Variants in FHOD3 observed in about 807,000 individuals in gnomAD.
The protein encoded by FHOD3 is FH1/FH2 domain-containing protein 3.
A neutral mutation model predicts 173.0 loss-of-function variants in FHOD3; 90 were observed. The observed-to-expected ratio is 0.52, with a 90% CI of 0.44 to 0.62. FHOD3 has a LOEUF of 0.62. Among genes scored for constraint, FHOD3 ranks in the 20% least tolerant of loss-of-function variants. The pLI is 0.00. For missense variants in FHOD3, 1,945 were observed against 2,034.7 expected (o/e 0.96, Z 0.85); for synonymous variants, 828 against 823.0 (o/e 1.01, Z -0.10).
chr18:36,502,641 A>G (rs1252323994), intron 4 of FHOD3, among the ~76,000 whole-genome samples: 1 of 151,994 alleles, frequency 6.6e-6, no homozygotes, highest in Non-Finnish European at 1.5e-5. Context: ...CATCCAGTCT[A>G]CCATTGATGG....
chr18:36,578,045 G>A (rs537833598), intron 6 of FHOD3, among the ~76,000 whole-genome samples: 17 of 152,336 alleles, frequency 1.1e-4, no homozygotes, highest in African/African-American at 4.1e-4. Flanking sequence ...GTCAGATGGA[G>A]TGGGGGATCT....
intron 3 of FHOD3, among the ~76,000 whole-genome samples, chr18:36,388,990 G>C (rs185805025): frequency 5.3e-5 from 8 of 152,004 alleles, no homozygotes; most frequent in Admixed American, 1.3e-4. Context: ...GGATGGGGGG[G>C]CCCTGATAGG....
chr18:36,770,837 T>G (rs1389344033), intron 28 of FHOD3, among the ~76,000 whole-genome samples: 1 of 152,118 alleles, frequency 6.6e-6, no homozygotes, highest in Non-Finnish European at 1.5e-5. Flanking sequence ...GGCCTTGAGG[T>G]GTGGGTCCCT....
At chr18:36,769,191 G>A (rs2150368891) in intron 27 of FHOD3, 74 bp from the exon 28 acceptor site, 2 of 1,528,950 alleles carry the variant, frequency 1.3e-6, no homozygotes, top group East Asian at 2.3e-5. Flanking sequence ...CAACTGCTTG[G>A]AGGAATACTG....
intron 1 of FHOD3, among the ~76,000 whole-genome samples, chr18:36,349,199 C>G (rs1274576580): frequency 1.3e-5 from 2 of 152,132 alleles, no homozygotes; most frequent in African/African-American, 4.8e-5. Context: ...GCAGCCAGGC[C>G]CGAGTCTTTC....
intron 28 of FHOD3, among the ~76,000 whole-genome samples, chr18:36,777,198 CTTTTTTTTT>C (rs11294880): frequency 2.8e-5 from 3 of 108,836 alleles, no homozygotes; most frequent in South Asian, 2.9e-4. Context: ...TCTTCTTTTT[CTTTTTTTTT>C]TTTTTTTTTT....
At chr18:36,347,852 G>A (rs1370102012) in intron 1 of FHOD3, among the ~76,000 whole-genome samples, 1 of 152,152 alleles carries the variant, frequency 6.6e-6, no homozygotes, top group Non-Finnish European at 1.5e-5. Context: ...ATATGTAAAT[G>A]TAATTACAAT....
At chr18:36,353,322 C>T (rs1312070884) in intron 1 of FHOD3, among the ~76,000 whole-genome samples, 1 of 152,182 alleles carries the variant, frequency 6.6e-6, no homozygotes, top group Non-Finnish European at 1.5e-5. Flanking sequence ...GAAGAAATTC[C>T]TTTCATTCTG....
At chr18:36,376,609 G>C (rs1054564150) in intron 3 of FHOD3, among the ~76,000 whole-genome samples, 3 of 152,168 alleles carry the variant, frequency 2.0e-5, no homozygotes, top group Admixed American at 2.0e-4. Context: ...CTCTGCATAA[G>C]ATGCATCTAA....
At chr18:36,522,597 G>C (rs890232262) in intron 5 of FHOD3, among the ~76,000 whole-genome samples, 13 of 152,314 alleles carry the variant, frequency 8.5e-5, no homozygotes, top group African/African-American at 3.1e-4. Flanking sequence ...TGAAATAGAT[G>C]GACTGTGGAT....
In FHOD3 at chr18:36,713,651, ATGTT is replaced by A. The variant is rs766949682; in HGVS notation, c.2534-4177_2534-4174del. Among the ~76,000 whole-genome samples, 17 of 152,356 alleles carry A rather than the reference ATGTT, an allele frequency of 1.1e-4. No individual in the cohort carries two copies. The East Asian group carries it at 1.5e-3, about 14-fold the overall frequency. The stretch of plus-strand genomic sequence containing the variant: ...TATATTTCAAAGTAGAATAATTTGA[ATGTT>A]TGTAACAAAAAGAAAAGACAATATT... On this transcript the variant is annotated intron_variant, in intron 18 of 28. Coordinates refer to ENST00000590592, the MANE Select transcript of FHOD3 (RefSeq NM_001281740.3).
intron 3 of FHOD3, among the ~76,000 whole-genome samples, chr18:36,440,574 C>A (rs971928525): frequency 6.6e-6 from 1 of 152,250 alleles, no homozygotes; most frequent in East Asian, 1.9e-4. Context: ...GTGCCTGCTC[C>A]TCTGACCACC....
At chr18:36,743,308 CAAAAAAAAAAA>C (rs57694311) in intron 22 of FHOD3, among the ~76,000 whole-genome samples, 2 of 65,898 alleles carry the variant, frequency 3.0e-5, no homozygotes, top group Non-Finnish European at 2.7e-5. Context: ...GACTCTGTCT[CAAAAAAAAAAA>C]AAAAAAAAAA....
intron 3 of FHOD3, among the ~76,000 whole-genome samples, chr18:36,430,420 T>G (rs1452971471): frequency 6.6e-6 from 1 of 152,184 alleles, no homozygotes; most frequent in Non-Finnish European, 1.5e-5. Context: ...TTCTCCATGT[T>G]GGTCAGGCTC....
At chr18:36,338,918 A>G (rs992458009) in intron 1 of FHOD3, among the ~76,000 whole-genome samples, 2 of 152,122 alleles carry the variant, frequency 1.3e-5, no homozygotes, top group African/African-American at 4.8e-5. Flanking sequence ...CAAAGTAGGA[A>G]GGAGAGCCGG....
In FHOD3 at chr18:36,658,100, T is replaced by C; in HGVS notation, c.1747T>C (p.Tyr583His). 1.2e-6 allele frequency: 2 copies of C among 1,607,536 alleles called. No individual in the cohort carries two copies. Among genetic ancestry groups the C allele is most frequent in the South Asian group, 2.2e-5 (2 of 90,690 alleles). Reference sequence around the variant, plus strand: ...ATACAGCAATTTTGGCAATAACTCTTATCACTCCTCAAGACCCTCATCTGG... The same window carrying C: ...ATACAGCAATTTTGGCAATAACTCTCATCACTCCTCAAGACCCTCATCTGG... ...NRYSNFGNNS[Y>H]HSSRPSSGSS... Residue 583 changes from tyrosine to histidine, a missense_variant, in exon 14 of 29, where the codon TAT becomes CAT. Physicochemically the swap from Tyr to His is moderately conservative, Grantham distance 83 (BLOSUM62 2). This residue lies in a region of FHOD3 where 1,099 missense variants were observed against 1,051.2 expected (regional missense o/e 1.05). Transcript: ENST00000590592.
At chr18:36,733,135 C>T (rs572642509) in intron 20 of FHOD3, among the ~76,000 whole-genome samples, 1 of 152,180 alleles carries the variant, frequency 6.6e-6, no homozygotes, top group Non-Finnish European at 1.5e-5. Context: ...TAGATAAACT[C>T]CCCCACATTC....
chr18:36,546,106 C>G (rs1382326413), intron 5 of FHOD3, among the ~76,000 whole-genome samples: 2 of 152,144 alleles, frequency 1.3e-5, no homozygotes, highest in African/African-American at 4.8e-5. Context: ...TAAGGGAACC[C>G]CTTTTTCATA....
chr18:36,514,829 C>G (rs2055873192), intron 5 of FHOD3, among the ~76,000 whole-genome samples: 1 of 152,208 alleles, frequency 6.6e-6, no homozygotes. Context: ...TTCCCTAGAC[C>G]TCACGTGGAT....
Sources: allele counts gnomAD v4.1 joint callset (sites outside exome capture counted in the v4.1 genomes callset), GRCh38; gene constraint gnomAD v4.1.1; regional missense constraint gnomAD v4.1.1; transcripts MANE v1.5; gene names NCBI Gene and HGNC (gene_info 2026-07-23, HGNC 2026-07-21).